CERT1: variants seen among roughly 807,000 people sequenced by gnomAD.
CERT1 encodes the protein ceramide transfer protein.
Under a neutral mutation model 87.9 loss-of-function variants are expected in CERT1, and 31 were observed. That is an observed-to-expected ratio of 0.35 (90% CI 0.27 to 0.48). CERT1 has a LOEUF of 0.48. Ranked by LOEUF, CERT1 falls within the 20% of genes least tolerant of loss-of-function variation. CERT1 has a pLI of 0.99. For missense variants in CERT1, 487 were observed against 758.0 expected, an observed-to-expected ratio of 0.64 and a Z score of 4.20; for synonymous variants, 289 against 250.9, an observed-to-expected ratio of 1.15 and a Z score of -1.44.
intron 2 of CERT1, among the ~76,000 whole-genome samples, chr5:75,472,133 C>A (rs966461903): frequency 6.6e-6 from 1 of 152,130 alleles, no homozygotes; most frequent in Non-Finnish European, 1.5e-5. Flanking sequence ...GCATTTACAA[C>A]CAACTAATTT....
At chr5:75,407,881 TG>T (rs952259216) in intron 8 of CERT1, among the ~76,000 whole-genome samples, 6 of 150,594 alleles carry the variant, frequency 4.0e-5, no homozygotes, top group Non-Finnish European at 5.9e-5. Flanking sequence ...TTGGCACAAT[TG>T]TTTTTTTTTT....
chr5:75,487,492 T>TTAAA (rs1242872865), intron 2 of CERT1, among the ~76,000 whole-genome samples: 4 of 151,850 alleles, frequency 2.6e-5, no homozygotes, highest in Non-Finnish European at 5.9e-5. Context: ...TCACATCAAG[T>TTAAA]TAAAAGGCGT....
intron 3 of CERT1, among the ~76,000 whole-genome samples, chr5:75,448,100 AAAT>A (rs1764631210): frequency 6.6e-6 from 1 of 152,334 alleles, no homozygotes; most frequent in East Asian, 1.9e-4. Context: ...GTTCTTGAAA[AAAT>A]AATGTTACTA....
chr5:75,409,413 T>C (rs1040876506), intron 8 of CERT1, among the ~76,000 whole-genome samples: 29 of 152,342 alleles, frequency 1.9e-4, no homozygotes, highest in Admixed American at 7.2e-4. Flanking sequence ...AGAGCAAAAG[T>C]AGCAAGAAAA....
rs1018467326 is a variant in CERT1 at position 75,399,517 on chromosome 5, A to G, written c.1111-130T>C. ...CACTATATGAAACAAGCACAGCAGC[A>G]ACTGCTGACTTCATGCACCTATTAT... On this transcript the variant is annotated intron_variant, in intron 10 of 16. Transcript: ENST00000643780. 56 of 689,504 alleles carry G rather than the reference A, an allele frequency of 8.1e-5. 1 individual carries two copies. In the African/African-American group the frequency reaches 9.4e-4, roughly 12 times the overall value. The allele number at this position is 689,504 out of a possible 1,614,324, so 42.7% of individuals were successfully genotyped here. A position where few individuals can be genotyped will look rare whatever the true frequency, so the allele number is the denominator to read the frequency against.
At chr5:75,473,808 A>G (rs1765826090) in intron 2 of CERT1, among the ~76,000 whole-genome samples, 1 of 152,220 alleles carries the variant, frequency 6.6e-6, no homozygotes, top group Non-Finnish European at 1.5e-5. Context: ...ATGTATATAT[A>G]CTTCAAAAAA....
downstream of CERT1, chr5:75,376,935 C>T (rs560222472): frequency 5.3e-5 from 8 of 152,110 alleles, no homozygotes; most frequent in East Asian, 1.5e-3. Context: ...ATATAATTGA[C>T]TATTATTTTT....
intron 2 of CERT1, among the ~76,000 whole-genome samples, chr5:75,492,184 A>AAAAC (rs541948367): frequency 1.5e-3 from 232 of 152,094 alleles, no homozygotes; most frequent in Non-Finnish European, 2.2e-3. Flanking sequence ...TCTCTACCAA[A>AAAAC]AAACAAACAA....
chr5:75,375,057 G>C (rs1277439136), downstream of CERT1: 1 of 187,698 alleles, frequency 5.3e-6, no homozygotes, highest in Admixed American at 6.0e-5. Flanking sequence ...GTAAAATAAA[G>C]GGGGCACAGG....
intron 17 of CERT1, chr5:75,371,502 C>T (rs1761083646): frequency 6.6e-6 from 1 of 152,150 alleles, no homozygotes. Context: ...ATAGAAAACC[C>T]ATTCCTCCTT....
chr5:75,421,747 T>C (rs1763386316), intron 5 of CERT1, among the ~76,000 whole-genome samples: 1 of 152,220 alleles, frequency 6.6e-6, no homozygotes, highest in African/African-American at 2.4e-5. Flanking sequence ...AGATCCTTAC[T>C]TCCCGGGGCC....
intron 17 of CERT1, chr5:75,369,634 G>A (rs992014464): frequency 9.9e-5 from 15 of 152,208 alleles, no homozygotes; most frequent in African/African-American, 3.4e-4. Context: ...CTGTTGAGTG[G>A]GGAGGAGTCA....
At chr5:75,407,912 A>C (rs549239818) in intron 8 of CERT1, among the ~76,000 whole-genome samples, 6 of 149,588 alleles carry the variant, frequency 4.0e-5, no homozygotes, top group African/African-American at 1.2e-4. Flanking sequence ...AAAAAAAAAA[A>C]CATAAAATTG....
At chr5:75,472,830 G>A (rs1322444603) in intron 2 of CERT1, among the ~76,000 whole-genome samples, 1 of 152,020 alleles carries the variant, frequency 6.6e-6, no homozygotes, top group Non-Finnish European at 1.5e-5. Context: ...AATTAGTAGA[G>A]CCACTAAAGA....
chr5:75,393,666 G>T (rs1762124635), intron 11 of CERT1, among the ~76,000 whole-genome samples: 1 of 135,726 alleles, frequency 7.4e-6, no homozygotes, highest in South Asian at 2.5e-4. Context: ...TCTCTTTTAT[G>T]CATGTAAAAG....
rs1424075789 is a variant in CERT1 at position 75,434,068 on chromosome 5, T to C, written c.349-7590A>G. 5.3e-5 allele frequency among the ~76,000 whole-genome samples: 8 copies of C among 152,266 alleles called. No individual in the cohort carries two copies. In the East Asian group the frequency reaches 1.5e-3, roughly 29 times the overall value. On this transcript the variant is annotated intron_variant, in intron 3 of 16. Transcript: ENST00000643780. ...GAGAGTGGACATCCTTGTCTTTTCC[T>C]GGTTATCACAGGGGGTACTTCCAGC... is the stretch of plus-strand genomic sequence containing the variant.
At chr5:75,504,024 T>G (rs1767537520) in intron 2 of CERT1, among the ~76,000 whole-genome samples, 1 of 142,714 alleles carries the variant, frequency 7.0e-6, no homozygotes, top group Non-Finnish European at 1.6e-5. Context: ...CTAGGAATAC[T>G]ACTACTTAGA....
intron 2 of CERT1, among the ~76,000 whole-genome samples, chr5:75,488,982 T>C (rs936923496): frequency 3.3e-5 from 5 of 152,150 alleles, no homozygotes; most frequent in African/African-American, 9.7e-5. Context: ...GGCATCATGC[T>C]ACCTGACTTC....
chr5:75,398,715 T>C (rs987046260), intron 11 of CERT1, among the ~76,000 whole-genome samples: 1 of 152,204 alleles, frequency 6.6e-6, no homozygotes. Context: ...GCTTCCTGTC[T>C]TAAATTCCTA....
Sources: allele counts gnomAD v4.1 joint callset (sites outside exome capture counted in the v4.1 genomes callset), GRCh38; gene constraint gnomAD v4.1.1; transcripts MANE v1.5; gene names NCBI Gene and HGNC (gene_info 2026-07-23, HGNC 2026-07-21).